Variants in BMP5 observed in about 807,000 individuals in gnomAD.
BMP5 encodes the protein bone morphogenetic protein 5.
In BMP5, 23 loss-of-function variants were observed where a neutral mutation model predicts 46.6. The observed-to-expected ratio is 0.49, with a 90% CI of 0.35 to 0.70. The LOEUF is 0.70. Ranked by LOEUF, BMP5 falls within the 30% of genes least tolerant of loss-of-function variation. The pLI is 0.00. For synonymous variants in BMP5, 204 were observed against 191.9 expected, an observed-to-expected ratio of 1.06 and a Z score of -0.52; for missense variants, 545 against 565.6, an observed-to-expected ratio of 0.96 and a Z score of 0.37.
intron 1 of BMP5, among the ~76,000 whole-genome samples, chr6:55,841,942 G>GAGAGAGAGAGA: frequency 6.6e-6 from 1 of 151,898 alleles, no homozygotes; most frequent in South Asian, 2.1e-4. Flanking sequence ...GAGAGAGAGA[G>GAGAGAGAGAGA]ATTTTTCTAT....
At chr6:55,821,383 T>G (rs1440129598) in intron 1 of BMP5, among the ~76,000 whole-genome samples, 2 of 152,114 alleles carry the variant, frequency 1.3e-5, no homozygotes, top group Non-Finnish European at 2.9e-5. Context: ...GGGGGCATAT[T>G]TTTTTAAATT....
intron 2 of BMP5, among the ~76,000 whole-genome samples, chr6:55,808,086 C>T (rs559317458): frequency 1.1e-4 from 17 of 152,278 alleles, no homozygotes; most frequent in African/African-American, 3.1e-4. Flanking sequence ...AGAGGAAAGA[C>T]TAAGTCTGCT....
intron 1 of BMP5, among the ~76,000 whole-genome samples, chr6:55,845,693 T>C (rs564905356): frequency 2.6e-5 from 4 of 152,008 alleles, no homozygotes; most frequent in Non-Finnish European, 2.9e-5. Context: ...GTTCCTCTTA[T>C]ACAGGGAGAG....
intron 6 of BMP5, among the ~76,000 whole-genome samples, chr6:55,758,471 G>C (rs1774671790): frequency 6.6e-6 from 1 of 151,822 alleles, no homozygotes; most frequent in African/African-American, 2.4e-5. Context: ...TGAGATTGAG[G>C]AATAAAGAAA....
chr6:55,815,985 A>G (rs1167503395), intron 2 of BMP5, among the ~76,000 whole-genome samples: 1 of 152,106 alleles, frequency 6.6e-6, no homozygotes, highest in Non-Finnish European at 1.5e-5. Context: ...AACAGTGGGC[A>G]TACAGAAAAG....
At chr6:55,812,119 G>C (rs930985495) in intron 2 of BMP5, among the ~76,000 whole-genome samples, 1 of 152,194 alleles carries the variant, frequency 6.6e-6, no homozygotes, top group Admixed American at 6.5e-5. Flanking sequence ...GATATATGAG[G>C]TGTGACTATA....
At position 55,874,849 on chromosome 6, in the gene BMP5, A is replaced by G; in HGVS notation, c.17T>C (p.Phe6Ser). MHLTV[F>S]LLKGIVGFLW... The stretch of plus-strand genomic sequence containing the variant: ...GAAACCCACAATACCCTTAAGTAAA[A>G]ATACAGTCAGATGCATTTTTGTCCA... Residue 6 changes from phenylalanine to serine, a missense_variant, in exon 1 of 7, where the codon TTT becomes TCT. By Grantham distance (155) the Phe-to-Ser change is radical. Coordinates refer to ENST00000370830, the MANE Select transcript of BMP5 (RefSeq NM_021073.4). 6.2e-7 allele frequency: 1 copy of G among 1,613,278 alleles called. No homozygotes were observed. Among genetic ancestry groups the G allele is most frequent in the Non-Finnish European group, 8.5e-7 (1 of 1,179,534 alleles).
chr6:55,812,624 G>A (rs1407640988), intron 2 of BMP5, among the ~76,000 whole-genome samples: 1 of 152,162 alleles, frequency 6.6e-6, no homozygotes, highest in South Asian at 2.1e-4. Flanking sequence ...AAAGAGTACA[G>A]TCTGCCCTGA....
At chr6:55,834,042 A>C (rs547407302) in intron 1 of BMP5, among the ~76,000 whole-genome samples, 1 of 152,290 alleles carries the variant, frequency 6.6e-6, no homozygotes, top group South Asian at 2.1e-4. Flanking sequence ...TTTAGCCACC[A>C]TTTTGGGCAC....
At chr6:55,785,760 ATT>A (rs547096318) in intron 3 of BMP5, among the ~76,000 whole-genome samples, 44 of 148,558 alleles carry the variant, frequency 3.0e-4, no homozygotes, top group African/African-American at 1.1e-3. Context: ...AAAAAAAAAA[ATT>A]TTTTCAGAAA....
chr6:55,783,228 CTG>C (rs1775368180), intron 3 of BMP5, among the ~76,000 whole-genome samples: 1 of 152,084 alleles, frequency 6.6e-6, no homozygotes, highest in Admixed American at 6.6e-5. Flanking sequence ...GATTCAATTA[CTG>C]TCACACTACA....
rs1050043182 is a variant in BMP5, at chr6:55,817,998, G to C, written c.683+1657C>G. Among the ~76,000 whole-genome samples, 30 of 152,238 alleles carry C rather than the reference G, an allele frequency of 2.0e-4. 1 individual carries two copies. In the East Asian group the frequency reaches 2.5e-3, roughly 13 times the overall value. On this transcript the variant is annotated intron_variant, in intron 2 of 6. Coordinates refer to ENST00000370830, the MANE Select transcript of BMP5 (RefSeq NM_021073.4). The stretch of plus-strand genomic sequence containing the variant: ...AGCCAAGGTAGAGACAAAAGTCTTT[G>C]TGTATTCAAGCCAAACAACTCAGAT...
chr6:55,769,150 A>G (rs1391253321), intron 4 of BMP5, among the ~76,000 whole-genome samples: 1 of 151,928 alleles, frequency 6.6e-6, no homozygotes, highest in Non-Finnish European at 1.5e-5. Context: ...AAAGACAACG[A>G]TAAAATTTGT....
At chr6:55,790,888 T>G (rs1775559799) in intron 3 of BMP5, among the ~76,000 whole-genome samples, 1 of 152,184 alleles carries the variant, frequency 6.6e-6, no homozygotes, top group African/African-American at 2.4e-5. Flanking sequence ...TATTTTTCAG[T>G]ATTAGGGCAC....
At chr6:55,850,089 C>T (rs1280034671) in intron 1 of BMP5, among the ~76,000 whole-genome samples, 2 of 152,080 alleles carry the variant, frequency 1.3e-5, no homozygotes, top group Non-Finnish European at 2.9e-5. Context: ...AATACATCAC[C>T]TTTCCTTGAA....
chr6:55,802,594 T>A (rs968583500), intron 2 of BMP5, among the ~76,000 whole-genome samples: 2 of 151,384 alleles, frequency 1.3e-5, no homozygotes, highest in African/African-American at 4.9e-5. Context: ...AAACAGAAAA[T>A]TGATAGCATA....
chr6:55,850,509 T>C (rs538390758), intron 1 of BMP5, among the ~76,000 whole-genome samples: 3 of 152,224 alleles, frequency 2.0e-5, no homozygotes, highest in Admixed American at 1.3e-4. Flanking sequence ...ACATACCTTA[T>C]ATATTCACAC....
At chr6:55,845,003 G>GACT (rs1477341702) in intron 1 of BMP5, among the ~76,000 whole-genome samples, 1 of 151,862 alleles carries the variant, frequency 6.6e-6, no homozygotes, top group Non-Finnish European at 1.5e-5. Flanking sequence ...CCATGTACGT[G>GACT]ACTATCAGTT....
chr6:55,836,631 T>TACACACACACACACACACACACAC, intron 1 of BMP5, among the ~76,000 whole-genome samples: 1 of 139,604 alleles, frequency 7.2e-6, no homozygotes, highest in South Asian at 2.3e-4. Context: ...CATACATACA[T>TACACACACACACACACACACACAC]ACACACACAC....
Sources: allele counts gnomAD v4.1 joint callset (sites outside exome capture counted in the v4.1 genomes callset), GRCh38; gene constraint gnomAD v4.1.1; transcripts MANE v1.5; gene names NCBI Gene and HGNC (gene_info 2026-07-23, HGNC 2026-07-21).